Variants in CRPPA observed in about 807,000 individuals in gnomAD.
CRPPA encodes D-ribitol-5-phosphate cytidylyltransferase.
CRPPA carries 43 observed loss-of-function variants against 52.0 expected under a neutral mutation model. That is an observed-to-expected ratio of 0.83 (90% CI 0.65 to 1.07). CRPPA has a LOEUF of 1.07. CRPPA is among the 50% of genes least tolerant of loss of function. The pLI, the probability that CRPPA is intolerant of heterozygous loss-of-function variation, is 0.00. For missense variants in CRPPA, 629 were observed against 551.7 expected (o/e 1.14, Z -1.40); for synonymous variants, 250 against 203.5 (o/e 1.23, Z -1.94).
At chr7:16,298,728 G>C (rs1379131148) in intron 5 of CRPPA, among the ~76,000 whole-genome samples, 1 of 152,092 alleles carries the variant, frequency 6.6e-6, no homozygotes, top group Non-Finnish European at 1.5e-5. Context: ...TGCCTATGAG[G>C]GTGTTTCCAG....
chr7:16,301,917 A>G (rs561124444), intron 4 of CRPPA, among the ~76,000 whole-genome samples: 1 of 152,348 alleles, frequency 6.6e-6, no homozygotes, highest in Non-Finnish European at 1.5e-5. Context: ...TCTGAATTAC[A>G]TATATCCGTA....
chr7:16,247,550 A>AT (rs1447023909), intron 8 of CRPPA, among the ~76,000 whole-genome samples: 17 of 152,200 alleles, frequency 1.1e-4, no homozygotes, highest in Non-Finnish European at 1.0e-4. Context: ...CTGATCATAG[A>AT]CTACCCATAG....
At chr7:16,165,230 A>C (rs1007944363) in intron 9 of CRPPA, among the ~76,000 whole-genome samples, 2 of 151,994 alleles carry the variant, frequency 1.3e-5, no homozygotes, top group African/African-American at 4.8e-5. Flanking sequence ...CTCCAAGAAA[A>C]AAAAAAAACA....
chr7:16,401,480 C>CTA (rs1438722110), intron 2 of CRPPA, among the ~76,000 whole-genome samples: 1 of 152,174 alleles, frequency 6.6e-6, no homozygotes, highest in Non-Finnish European at 1.5e-5. Flanking sequence ...CATAAAATGA[C>CTA]TAGAGGTGCT....
chr7:16,207,015 A>C lies in CRPPA; in HGVS notation c.1251+9051T>G, dbSNP rs1009319672. Among the ~76,000 whole-genome samples the C allele has an allele frequency of 5.7e-4, 86 of 152,126 alleles. 1 individual carries two copies. Among genetic ancestry groups the C allele is most frequent in the Admixed American group, 2.0e-4 (3 of 15,254 alleles). On this transcript the variant is annotated intron_variant, in intron 9 of 9. Transcript: ENST00000407010. Reference sequence around the variant, plus strand: ...CTATAAACAAAACCAAATGCCAAACATTACACACCTTTCTGATTCTCCGTG... The same window carrying C: ...CTATAAACAAAACCAAATGCCAAACCTTACACACCTTTCTGATTCTCCGTG...
intron 3 of CRPPA, among the ~76,000 whole-genome samples, chr7:16,320,701 C>T (rs1265238297): frequency 1.3e-5 from 2 of 152,192 alleles, no homozygotes; most frequent in African/African-American, 4.8e-5. Flanking sequence ...AATAGACAAT[C>T]TTACAACTAG....
chr7:16,153,084 T>C (rs1783107905), intron 9 of CRPPA, among the ~76,000 whole-genome samples: 1 of 152,092 alleles, frequency 6.6e-6, no homozygotes, highest in Non-Finnish European at 1.5e-5. Context: ...AAGAACCATG[T>C]TGCTCACAGC....
intron 9 of CRPPA, among the ~76,000 whole-genome samples, chr7:16,207,636 A>C (rs1400347745): frequency 2.0e-5 from 3 of 152,240 alleles, no homozygotes; most frequent in African/African-American, 7.2e-5. Flanking sequence ...CACTAAAATA[A>C]TGCCATGTAC....
intron 9 of CRPPA, among the ~76,000 whole-genome samples, chr7:16,102,785 C>T (rs1782074291): frequency 1.3e-5 from 2 of 152,122 alleles, no homozygotes; most frequent in Non-Finnish European, 2.9e-5. Context: ...GAATGGCGAC[C>T]ATTAAAAAGT....
intron 9 of CRPPA, among the ~76,000 whole-genome samples, chr7:16,102,946 C>T (rs1459800496): frequency 6.6e-6 from 1 of 152,096 alleles, no homozygotes; most frequent in East Asian, 1.9e-4. Context: ...CCAGGAATCC[C>T]ATTATTGGGT....
chr7:16,190,468 G>T (rs973267589), intron 9 of CRPPA, among the ~76,000 whole-genome samples: 1 of 152,134 alleles, frequency 6.6e-6, no homozygotes, highest in Non-Finnish European at 1.5e-5. Flanking sequence ...TTCATCAATA[G>T]ATTTATTCCA....
chr7:16,369,097 CAG>C (rs1786682337), intron 3 of CRPPA, among the ~76,000 whole-genome samples: 1 of 152,250 alleles, frequency 6.6e-6, no homozygotes, highest in Admixed American at 6.5e-5. Flanking sequence ...GGAAGAGCCA[CAG>C]ACAAAACCTC....
intron 8 of CRPPA, among the ~76,000 whole-genome samples, chr7:16,247,409 A>G (rs1405252308): frequency 6.6e-6 from 1 of 152,186 alleles, no homozygotes; most frequent in Non-Finnish European, 1.5e-5. Context: ...AATCTCAAAG[A>G]GAAGGAGAGA....
intron 8 of CRPPA, among the ~76,000 whole-genome samples, chr7:16,216,779 C>G (rs921859526): frequency 6.6e-6 from 1 of 152,192 alleles, no homozygotes; most frequent in Non-Finnish European, 1.5e-5. Context: ...GCAACTGGCT[C>G]TGAGGGTCCT....
intron 9 of CRPPA, among the ~76,000 whole-genome samples, chr7:16,204,570 C>T (rs984206943): frequency 1.3e-5 from 2 of 152,142 alleles, no homozygotes; most frequent in African/African-American, 4.8e-5. Context: ...GACTTCACCA[C>T]TACACAACAT....
chr7:16,238,772 T>A lies in CRPPA; in HGVS notation c.1119+19618A>T, dbSNP rs10274351. On this transcript the variant is annotated intron_variant, in intron 8 of 9. Transcript: ENST00000407010. ...ATTCTGCTAAATCTACACATTAAAA[T>A]CATGCATAAGAGCATATGAAAGCAA... 7.0e-3 allele frequency among the ~76,000 whole-genome samples: 1,061 copies of A among 152,262 alleles called. 11 individuals are homozygous for A. The highest frequency in any genetic ancestry group is 0.024 in the African/African-American group (1,016 of 41,544).
chr7:16,336,375 G>A (rs901616179), intron 3 of CRPPA, among the ~76,000 whole-genome samples: 3 of 151,954 alleles, frequency 2.0e-5, no homozygotes, highest in Admixed American at 1.3e-4. Context: ...GAGAGTGAAC[G>A]CACAGATTTT....
At chr7:16,355,176 G>C (rs372950412) in intron 3 of CRPPA, among the ~76,000 whole-genome samples, 1 of 152,050 alleles carries the variant, frequency 6.6e-6, no homozygotes, top group Non-Finnish European at 1.5e-5. Context: ...TCTTGTTTTT[G>C]CCATTTAATA....
intron 9 of CRPPA, among the ~76,000 whole-genome samples, chr7:16,184,902 C>T (rs1406831118): frequency 6.6e-6 from 1 of 152,206 alleles, no homozygotes; most frequent in Non-Finnish European, 1.5e-5. Flanking sequence ...GGGTATACAT[C>T]AGCTTATTTC....
Sources: allele counts gnomAD v4.1 joint callset (sites outside exome capture counted in the v4.1 genomes callset), GRCh38; gene constraint gnomAD v4.1.1; transcripts MANE v1.5; gene names NCBI Gene and HGNC (gene_info 2026-07-23, HGNC 2026-07-21).